Variants in A1CF observed in about 807,000 individuals in gnomAD.
A1CF encodes APOBEC1 complementation factor.
In A1CF, 48 loss-of-function variants were observed where a neutral mutation model predicts 68.9. The ratio of observed to expected loss-of-function variants is 0.70; its 90% confidence interval spans 0.55 to 0.89. The LOEUF (loss-of-function observed/expected upper bound fraction) is 0.89, where lower values mean the gene tolerates loss of function less well. Ranked by LOEUF, A1CF falls within the 40% of genes least tolerant of loss-of-function variation. The pLI is 0.00. For missense variants in A1CF, 653 were observed against 718.9 expected (o/e 0.91, Z 1.05); for synonymous variants, 272 against 260.4 (o/e 1.04, Z -0.43).
chr10:50,801,716 T>C lies in A1CF; in HGVS notation c.*5013A>G, dbSNP rs997819167. The C allele has an allele frequency of 6.6e-6, 1 of 152,178 alleles. No individual in the cohort carries two copies. Among genetic ancestry groups the C allele is most frequent in the African/African-American group, 2.4e-5 (1 of 41,458 alleles). The allele number at this position is 152,178 out of a possible 1,614,324, so 9.4% of individuals were successfully genotyped here. A position where few individuals can be genotyped will look rare whatever the true frequency, so the allele number is the denominator to read the frequency against. ...GTATTCTTCTTCTTGAATTTCTCTC[T>C]CAAAATAGGAGAAAAGTCTGTAAGG... On this transcript the variant is annotated 3_prime_UTR_variant, in exon 13 of 13. Coordinates refer to ENST00000373997, the MANE Select transcript of A1CF (RefSeq NM_014576.4).
chr10:50,859,988 G>T lies in A1CF; in HGVS notation c.-45-3C>A. 6.8e-7 allele frequency: 1 copy of T among 1,467,736 alleles called. No individual in the cohort carries two copies. The highest frequency in any genetic ancestry group is 9.5e-7 in the Non-Finnish European group (1 of 1,049,380). The allele number at this position is 1,467,736 out of a possible 1,614,324, so 90.9% of individuals were successfully genotyped here. A position where few individuals can be genotyped will look rare whatever the true frequency, so the allele number is the denominator to read the frequency against. ...ATCAGGTTAATTAGGGTTGCTCACT[G>T]AAACCAAATTTAAGATAAATTAAGT... On this transcript the variant is annotated splice_polypyrimidine_tract_variant and splice_region_variant and intron_variant, in intron 2 of 12. Transcript: ENST00000373997.
At chr10:50,850,901 A>G (rs187384678) in intron 3 of A1CF, 3 of 1,391,628 alleles carry the variant, frequency 2.2e-6, no homozygotes, top group African/African-American at 2.9e-5. Flanking sequence ...CAATAGGCCC[A>G]TCTAACTTTT....
At chr10:50,815,942 C>T in intron 9 of A1CF, 64 bp downstream of exon 9, 1 of 1,570,398 alleles carries the variant, frequency 6.4e-7, no homozygotes, top group Non-Finnish European at 8.7e-7. Flanking sequence ...GTATCTAAGG[C>T]TACTGCAATT....
At chr10:50,885,045 G>A (rs755300939) in intron 1 of A1CF, among the ~76,000 whole-genome samples, 100 of 152,244 alleles carry the variant, frequency 6.6e-4, no homozygotes, top group Non-Finnish European at 1.0e-3. Flanking sequence ...CATTCCTTTG[G>A]TTAGCAAGAT....
chr10:50,811,768 T>C (rs901914546), intron 10 of A1CF, among the ~76,000 whole-genome samples: 3 of 152,226 alleles, frequency 2.0e-5, no homozygotes, highest in African/African-American at 7.2e-5. Context: ...GTTTGTTTTT[T>C]TGCTTAATGA....
chr10:50,848,117 A>G (rs954762729), intron 3 of A1CF, among the ~76,000 whole-genome samples: 4 of 152,168 alleles, frequency 2.6e-5, no homozygotes, highest in Non-Finnish European at 2.9e-5. Flanking sequence ...GGATGCTACT[A>G]CTATTACTTC....
rs763437015 is a variant in A1CF at position 50,836,282 on chromosome 10, A to C, written c.396T>G (p.Ser132Arg). 6.2e-7 allele frequency: 1 copy of C among 1,613,922 alleles called. No homozygotes were observed. The highest frequency in any genetic ancestry group is 8.5e-7 in the Non-Finnish European group (1 of 1,179,878). Residue 132 changes from serine (S) to arginine (R), a missense_variant, in exon 6 of 13, where the codon AGT (serine) becomes AGG (arginine). By Grantham distance (110) the Ser-to-Arg change is moderately radical (BLOSUM62 -1). Transcript: ENST00000373997. ...RNGRLLGVCA[S>R]VDNCRLFVGG... ...CAACAAATAATCGGCAGTTGTCCAC[A>C]CTGGCACAAACCCCTAAGAGGCGCC...
At chr10:50,854,342 G>C (rs1840383433) in intron 3 of A1CF, among the ~76,000 whole-genome samples, 1 of 151,714 alleles carries the variant, frequency 6.6e-6, no homozygotes, top group Non-Finnish European at 1.5e-5. Flanking sequence ...ACTTCTCCAT[G>C]TCTTTGAAAA....
intron 7 of A1CF, 70 bp from the exon 8 acceptor site, chr10:50,820,719 T>A: frequency 7.7e-7 from 1 of 1,293,204 alleles, no homozygotes; most frequent in Non-Finnish European, 1.1e-6. Flanking sequence ...TATTTTAGCA[T>A]CTAGCTGCAA....
At chr10:50,862,065 A>C (rs1840772531) in intron 2 of A1CF, among the ~76,000 whole-genome samples, 1 of 151,992 alleles carries the variant, frequency 6.6e-6, no homozygotes, top group African/African-American at 2.4e-5. Context: ...GATAAGCATC[A>C]TTTAGAAAGT....
chr10:50,833,222 T>C (rs967811621), intron 6 of A1CF, among the ~76,000 whole-genome samples: 6 of 152,200 alleles, frequency 3.9e-5, no homozygotes, highest in Admixed American at 3.9e-4. Flanking sequence ...GGTTTTCAAA[T>C]GTGCAGTCCT....
rs1258246799 is a variant in A1CF at position 50,803,318 on chromosome 10, G to C, written c.*3411C>G. On this transcript the variant is annotated 3_prime_UTR_variant, in exon 13 of 13. Transcript: ENST00000373997. ...GAGTCTCTCCATGTTGCCCAGGCTG[G>C]TCTTGAACTCCTGGCCTCCAGCAAT... 4 of 152,162 alleles carry C rather than the reference G, an allele frequency of 2.6e-5. No individual in the cohort carries two copies. Among genetic ancestry groups the C allele is most frequent in the Admixed American group, 1.3e-4 (2 of 15,266 alleles). The allele number at this position is 152,162 out of a possible 1,614,324, so 9.4% of individuals were successfully genotyped here.
At chr10:50,862,123 T>C (rs1297646876) in intron 2 of A1CF, among the ~76,000 whole-genome samples, 2 of 152,014 alleles carry the variant, frequency 1.3e-5, no homozygotes, top group African/African-American at 2.4e-5. Context: ...CCCAGCACTT[T>C]GGGAGGCCAA....
chr10:50,861,789 A>G (rs1016886803), intron 2 of A1CF, among the ~76,000 whole-genome samples: 11 of 148,186 alleles, frequency 7.4e-5, no homozygotes, highest in African/African-American at 2.7e-4. Flanking sequence ...TAATAATAGT[A>G]ATAGTAATTA....
intron 1 of A1CF, among the ~76,000 whole-genome samples, 165 bp from the exon 2 acceptor site, chr10:50,864,245 A>G (rs1840875795): frequency 6.6e-6 from 1 of 152,168 alleles, no homozygotes; most frequent in Non-Finnish European, 1.5e-5. Context: ...TGTGCAACAT[A>G]TTGTTGTGAA....
At chr10:50,875,599 A>G (rs2132604440) in intron 1 of A1CF, among the ~76,000 whole-genome samples, 1 of 152,332 alleles carries the variant, frequency 6.6e-6, no homozygotes, top group African/African-American at 2.4e-5. Context: ...AGCAATCTTC[A>G]ATATAGGCAC....
chr10:50,871,621 C>T (rs1240731913), intron 1 of A1CF, among the ~76,000 whole-genome samples: 2 of 151,742 alleles, frequency 1.3e-5, no homozygotes, highest in South Asian at 4.1e-4. Flanking sequence ...AATAGAGAAC[C>T]AGATTAATGG....
chr10:50,865,745 ATCT>A (rs1438890262), intron 1 of A1CF, among the ~76,000 whole-genome samples: 1 of 152,158 alleles, frequency 6.6e-6, no homozygotes, highest in Non-Finnish European at 1.5e-5. Flanking sequence ...CTTGATTAAC[ATCT>A]TCTTTGCTCT....
At chr10:50,850,922 A>C in intron 3 of A1CF, 1 of 1,235,532 alleles carries the variant, frequency 8.1e-7, no homozygotes, top group East Asian at 2.4e-5. Flanking sequence ...TTGTTTACTT[A>C]CAATTTGCCT....
Sources: gnomAD v4.1 joint callset for allele counts (sites outside exome capture counted in the v4.1 genomes callset) on GRCh38, gnomAD v4.1.1 for gene constraint, MANE v1.5 for transcripts, NCBI Gene and HGNC (gene_info 2026-07-23, HGNC 2026-07-21) for gene names.